Variants in PHLDB2 observed in about 807,000 individuals in gnomAD.
PHLDB2 encodes the protein pleckstrin homology like domain family B member 2, also known as pleckstrin homology-like domain family B member 2.
A neutral mutation model predicts 123.6 loss-of-function variants in PHLDB2; 71 were observed. The ratio of observed to expected loss-of-function variants is 0.57; its 90% CI spans 0.47 to 0.70. The LOEUF (loss-of-function observed/expected upper bound fraction) is 0.70, where lower values mean the gene tolerates loss of function less well. Among genes scored for constraint, PHLDB2 ranks in the 30% least tolerant of loss-of-function variants. The pLI is 0.00. For missense variants in PHLDB2, 1,446 were observed against 1,519.5 expected, an observed-to-expected ratio of 0.95 and a Z score of 0.80; for synonymous variants, 547 against 541.6, an observed-to-expected ratio of 1.01 and a Z score of -0.14.
chr3:111,919,148 A>G lies in PHLDB2; in HGVS notation c.1796A>G (p.Asn599Ser), dbSNP rs1041137773. The change falls in exon 4 of 18, where the codon AAC becomes AGC. Residue 599 changes from asparagine (N) to serine (S), a missense_variant. Transcript: ENST00000431670. ...AMEETRIVIL[N>S]NLEELKQKIK... Reference sequence around the variant, plus strand: ...GAAGAAACCCGGATAGTCATTCTGAACAACCTCGAGGAACTTAAGCAAAAA... The same window carrying G: ...GAAGAAACCCGGATAGTCATTCTGAGCAACCTCGAGGAACTTAAGCAAAAA... 6.8e-6 allele frequency: 11 copies of G among 1,614,118 alleles called. No individual in the cohort carries two copies. The highest frequency in any genetic ancestry group is 4.0e-5 in the African/African-American group (3 of 75,052).
At chr3:111,900,647 T>C (rs1043930379) in intron 2 of PHLDB2, among the ~76,000 whole-genome samples, 2 of 152,162 alleles carry the variant, frequency 1.3e-5, no homozygotes, top group Non-Finnish European at 2.9e-5. Context: ...ATAACAGATA[T>C]GATGATAATG....
chr3:111,817,843 T>C (rs1197465583), intron 1 of PHLDB2, among the ~76,000 whole-genome samples: 1 of 152,124 alleles, frequency 6.6e-6, no homozygotes, highest in Admixed American at 6.5e-5. Context: ...TGAAAGTGAG[T>C]TTTGTTTACT....
At chr3:111,960,418 AT>A (rs1429860876) in intron 12 of PHLDB2, among the ~76,000 whole-genome samples, 1 of 152,206 alleles carries the variant, frequency 6.6e-6, no homozygotes, top group Non-Finnish European at 1.5e-5. Context: ...AAAGTAACTT[AT>A]TTTCCCAGAA....
At chr3:111,799,906 G>A (rs1336157818) in intron 1 of PHLDB2, among the ~76,000 whole-genome samples, 2 of 152,102 alleles carry the variant, frequency 1.3e-5, no homozygotes, top group Non-Finnish European at 2.9e-5. Flanking sequence ...TAAGTAAAAG[G>A]CAAGGAAAAT....
intron 1 of PHLDB2, among the ~76,000 whole-genome samples, chr3:111,828,645 G>A (rs1034924761): frequency 1.3e-5 from 2 of 152,090 alleles, no homozygotes; most frequent in Non-Finnish European, 2.9e-5. Flanking sequence ...GCCGGGTGTG[G>A]TGGTGTGCAC....
At position 111,952,636 on chromosome 3, in the gene PHLDB2, T is replaced by G; in HGVS notation, c.2696T>G (p.Leu899Trp). The change falls in exon 11 of 18, where the codon TTG becomes TGG. Residue 899 changes from leucine (L) to tryptophan (W), a missense_variant. Transcript: ENST00000431670. ...HKEGLYLSDT[L>W]PRKKTTSSIS... ...GAAGGCCTCTATCTGAGTGATACTT[T>G]GCCTCGAAAGAAAACCACATCTTCC... 1 of 1,613,958 alleles carries G rather than the reference T, an allele frequency of 6.2e-7. No individual in the cohort carries two copies. Among genetic ancestry groups the G allele is most frequent in the East Asian group, 2.2e-5 (1 of 44,866 alleles).
At chr3:111,859,713 G>A (rs1576913854) in intron 1 of PHLDB2, 137 bp downstream of exon 1, 2 of 985,446 alleles carry the variant, frequency 2.0e-6, no homozygotes, top group Non-Finnish European at 2.4e-6. Flanking sequence ...TGGGGGCGGA[G>A]AGGAGGCAGT....
chr3:111,829,265 G>A (rs1321188729), intron 1 of PHLDB2, among the ~76,000 whole-genome samples: 2 of 151,936 alleles, frequency 1.3e-5, no homozygotes, highest in African/African-American at 2.4e-5. Context: ...GAAAGAGTTG[G>A]ATGGATTGTT....
At chr3:111,827,462 T>G (rs1296398714) in intron 1 of PHLDB2, among the ~76,000 whole-genome samples, 1 of 151,922 alleles carries the variant, frequency 6.6e-6, no homozygotes, top group Admixed American at 6.6e-5. Flanking sequence ...GATCACGAGG[T>G]CAGGAGATAG....
At chr3:111,948,246 CGTGT>C (rs561953059) in intron 9 of PHLDB2, among the ~76,000 whole-genome samples, 9 of 149,402 alleles carry the variant, frequency 6.0e-5, no homozygotes, top group Non-Finnish European at 8.9e-5. Flanking sequence ...CTTAGGACTC[CGTGT>C]GTGTGTGTGT....
At chr3:111,848,550 C>T (rs1346562352) in intron 2 of PHLDB2, among the ~76,000 whole-genome samples, 5 of 152,192 alleles carry the variant, frequency 3.3e-5, no homozygotes, top group Non-Finnish European at 1.5e-5. Flanking sequence ...GGATCTCAGA[C>T]CTTATCTGGG....
intron 1 of PHLDB2, among the ~76,000 whole-genome samples, chr3:111,756,964 TTGAA>T (rs2059901910): frequency 6.6e-6 from 1 of 152,214 alleles, no homozygotes. Context: ...TTTAAGAATG[TTGAA>T]TATTGGCCCC....
intron 1 of PHLDB2, among the ~76,000 whole-genome samples, chr3:111,878,344 C>T (rs1218590242): frequency 1.3e-5 from 2 of 152,124 alleles, no homozygotes; most frequent in Non-Finnish European, 2.9e-5. Flanking sequence ...CATGATTTGG[C>T]TCTTTGTTTG....
chr3:111,767,292 C>CT (rs1394884163), intron 1 of PHLDB2, among the ~76,000 whole-genome samples: 2 of 152,164 alleles, frequency 1.3e-5, no homozygotes, highest in African/African-American at 4.8e-5. Context: ...CAGAGAGAAG[C>CT]TGTATTCAAC....
intron 9 of PHLDB2, 147 bp from the exon 10 acceptor site, chr3:111,948,785 A>G: frequency 1.5e-6 from 1 of 666,110 alleles, no homozygotes. Context: ...TTAATTGCTG[A>G]TTATTCCTTT....
intron 2 of PHLDB2, chr3:111,845,959 T>C: frequency 6.2e-7 from 1 of 1,604,214 alleles, no homozygotes; most frequent in Non-Finnish European, 8.5e-7. Flanking sequence ...TGTCAGAGGT[T>C]TTCAGTACAT....
intron 1 of PHLDB2, among the ~76,000 whole-genome samples, chr3:111,774,557 A>G (rs2060234025): frequency 6.6e-6 from 1 of 152,160 alleles, no homozygotes; most frequent in Non-Finnish European, 1.5e-5. Flanking sequence ...AAAGGGCACC[A>G]CTGGGGCTTG....
intron 1 of PHLDB2, chr3:111,780,002 T>A: frequency 2.7e-6 from 1 of 370,742 alleles, no homozygotes; most frequent in Non-Finnish European, 3.7e-6. Context: ...TCACAAAATG[T>A]GAGCCAAACA....
At chr3:111,901,400 T>C (rs1284554395) in intron 2 of PHLDB2, among the ~76,000 whole-genome samples, 1 of 151,996 alleles carries the variant, frequency 6.6e-6, no homozygotes, top group Admixed American at 6.6e-5. Flanking sequence ...TTTTATGTGA[T>C]ATGACTCAAA....
Sources: gnomAD v4.1 joint callset for allele counts (sites outside exome capture counted in the v4.1 genomes callset) on GRCh38, gnomAD v4.1.1 for gene constraint, MANE v1.5 for transcripts, NCBI Gene and HGNC (gene_info 2026-07-23, HGNC 2026-07-21) for gene names.